USP15: variants seen among roughly 807,000 people sequenced by gnomAD.
USP15 encodes ubiquitin carboxyl-terminal hydrolase 15.
A neutral mutation model predicts 127.1 loss-of-function variants in USP15; 18 were observed. The ratio of observed to expected loss-of-function variants is 0.14; its 90% CI spans 0.10 to 0.21. USP15 has a LOEUF of 0.21. Among genes scored for constraint, USP15 ranks in the 10% least tolerant of loss-of-function variants. USP15 has a pLI of 1.00. For synonymous variants in USP15, 364 were observed against 393.7 expected (o/e 0.92, Z 0.89); for missense variants, 805 against 1,159.9 (o/e 0.69, Z 4.44).
intron 7 of USP15, 151 bp from the exon 8 acceptor site, chr12:62,355,180 G>T: frequency 4.4e-6 from 3 of 683,920 alleles, no homozygotes; most frequent in Non-Finnish European, 6.7e-6. Context: ...TTTTTTTGAG[G>T]TTCAAGTCTT....
chr12:62,311,348 A>G (rs951797248), intron 3 of USP15, among the ~76,000 whole-genome samples: 1 of 151,814 alleles, frequency 6.6e-6, no homozygotes, highest in African/African-American at 2.4e-5. Flanking sequence ...GATGTAGGAG[A>G]AGGAGTAGGT....
intron 1 of USP15, among the ~76,000 whole-genome samples, chr12:62,276,373 G>T (rs1443869660): frequency 1.3e-5 from 2 of 152,060 alleles, no homozygotes; most frequent in Admixed American, 6.6e-5. Flanking sequence ...TTGTACATTA[G>T]TATTTAGATG....
intron 11 of USP15, among the ~76,000 whole-genome samples, chr12:62,387,904 T>C (rs74095743): frequency 0.021 from 3,270 of 152,154 alleles, 109 homozygotes; most frequent in African/African-American, 0.075. Flanking sequence ...ATTTAGAACA[T>C]AGACGCTAAG....
At chr12:62,391,569 A>G (rs191447711) in intron 16 of USP15, 140 bp downstream of exon 16, 52 of 1,098,836 alleles carry the variant, frequency 4.7e-5, no homozygotes, top group Non-Finnish European at 6.2e-5. Context: ...GAAAGGACTT[A>G]ATATCTAAGT....
chr12:62,376,550 A>G lies in USP15; in HGVS notation c.916-4940A>G, dbSNP rs1007522508. On this transcript the variant is annotated intron_variant, in intron 8 of 21. Transcript: ENST00000280377. ...GTTAATGTCAGGCAGTTGAACTCCA[A>G]TAAATTAACAGGGGCATAGCTCCAA... Among the ~76,000 whole-genome samples the G allele has an allele frequency of 3.3e-5, 5 of 152,332 alleles. 1 individual carries two copies. The highest frequency in any genetic ancestry group is 4.1e-4 in the South Asian group (2 of 4,828).
chr12:62,353,237 G>A (rs148133816), intron 7 of USP15, among the ~76,000 whole-genome samples: 93 of 152,078 alleles, frequency 6.1e-4, no homozygotes, highest in Middle Eastern at 6.8e-3. Flanking sequence ...CAAAGTTGTA[G>A]ATATTATTTA....
At chr12:62,352,651 C>CT in intron 7 of USP15, among the ~76,000 whole-genome samples, 1 of 151,928 alleles carries the variant, frequency 6.6e-6, no homozygotes, top group East Asian at 1.9e-4. Flanking sequence ...ATTTTGGAAA[C>CT]TACCAGAGCT....
Position 62,414,733 on chromosome 12 carries a change from G to T in USP15, c.*10358G>T, listed in dbSNP as rs2068116337. On this transcript the variant is annotated 3_prime_UTR_variant, in exon 22 of 22. Transcript: ENST00000280377. ...AAAAATAGAAGTGTGTATTCAGGGT[G>T]CACTCAATAGGATTACATCTGGCTG... The T allele has an allele frequency of 1.3e-5, 2 of 151,916 alleles. No homozygotes were observed. The highest frequency in any genetic ancestry group is 3.9e-4 in the East Asian group (2 of 5,160). The allele number at this position is 151,916 out of a possible 1,614,324, so 9.4% of individuals were successfully genotyped here.
intron 8 of USP15, among the ~76,000 whole-genome samples, chr12:62,366,595 G>A (rs2066485025): frequency 6.6e-6 from 1 of 152,152 alleles, no homozygotes; most frequent in Admixed American, 6.5e-5. Flanking sequence ...ATGTTGAATA[G>A]GAGTGGTGAG....
intron 6 of USP15, among the ~76,000 whole-genome samples, chr12:62,333,876 C>G (rs1197639889): frequency 2.0e-5 from 3 of 152,064 alleles, no homozygotes; most frequent in African/African-American, 7.2e-5. Flanking sequence ...CCTTAAAGAG[C>G]ATCCTGAGGT....
intron 1 of USP15, 58 bp downstream of exon 1, chr12:62,260,561 G>A: frequency 6.8e-7 from 1 of 1,479,888 alleles, no homozygotes; most frequent in Admixed American, 2.1e-5. Context: ...GAAGTGGGCG[G>A]GAGCCGCGAG....
intron 19 of USP15, among the ~76,000 whole-genome samples, chr12:62,395,597 G>GTT (rs897626943): frequency 7.0e-6 from 1 of 142,952 alleles, no homozygotes; most frequent in Non-Finnish European, 1.5e-5. Flanking sequence ...TTATTCATTC[G>GTT]TTTTTTTTTT....
chr12:62,291,425 T>C (rs1321042943), intron 1 of USP15, among the ~76,000 whole-genome samples: 1 of 152,334 alleles, frequency 6.6e-6, no homozygotes, highest in Non-Finnish European at 1.5e-5. Flanking sequence ...TTAATTGATA[T>C]TCTGTTTCTT....
At chr12:62,342,820 G>A (rs544511376) in intron 6 of USP15, among the ~76,000 whole-genome samples, 29 of 152,272 alleles carry the variant, frequency 1.9e-4, no homozygotes, top group African/African-American at 5.3e-4. Context: ...GAGCTCTCCC[G>A]TATGAGGTGT....
intron 2 of USP15, among the ~76,000 whole-genome samples, chr12:62,296,500 G>C (rs938937811): frequency 2.0e-5 from 3 of 152,168 alleles, no homozygotes; most frequent in Non-Finnish European, 2.9e-5. Context: ...CTAATGGGAT[G>C]GGATAGTTCA....
rs180975226 is a variant in USP15, at chr12:62,364,760, G to A, written c.915+9285G>A. Among the ~76,000 whole-genome samples, 60 of 151,462 alleles carry A rather than the reference G, an allele frequency of 4.0e-4. 1 individual carries two copies. The highest frequency in any genetic ancestry group is 5.8e-4 in the East Asian group (3 of 5,154). On this transcript the variant is annotated intron_variant, in intron 8 of 21. Coordinates refer to ENST00000280377, the MANE Select transcript of USP15 (RefSeq NM_001252078.2). ...TGGTGTGTGATGTCCCCCTCCCTGT[G>A]TCCATGTGTTCTCATTTTTCAACTC...
intron 1 of USP15, among the ~76,000 whole-genome samples, chr12:62,285,077 A>G (rs1051491884): frequency 6.6e-6 from 1 of 152,150 alleles, no homozygotes; most frequent in African/African-American, 2.4e-5. Flanking sequence ...AAGAAGCTTA[A>G]TTAAGGTTTT....
chr12:62,310,758 C>A (rs764424132), intron 3 of USP15, among the ~76,000 whole-genome samples: 12 of 141,370 alleles, frequency 8.5e-5, no homozygotes, highest in Non-Finnish European at 1.5e-4. Flanking sequence ...AGTAGGATTG[C>A]TGGATTCAAT....
chr12:62,313,992 A>C (rs1226266778), intron 3 of USP15: 1 of 887,206 alleles, frequency 1.1e-6, no homozygotes, highest in Non-Finnish European at 1.4e-6. Context: ...CTATTTTCAG[A>C]AACAGTATTC....
Sources: gnomAD v4.1 joint callset for allele counts (sites outside exome capture counted in the v4.1 genomes callset) on GRCh38, gnomAD v4.1.1 for gene constraint, MANE v1.5 for transcripts, NCBI Gene and HGNC (gene_info 2026-07-23, HGNC 2026-07-21) for gene names.